Variants in MKKS observed in about 807,000 individuals in gnomAD.
MKKS encodes molecular chaperone MKKS.
A neutral mutation model predicts 33.2 loss-of-function variants in MKKS; 29 were observed. The observed-to-expected ratio is 0.87, with a 90% CI of 0.65 to 1.19. The LOEUF is 1.19. MKKS is among the 50% of genes most tolerant of loss of function. The pLI is 0.00. For missense variants in MKKS, 661 were observed against 662.3 expected (o/e 1.00, Z 0.02); for synonymous variants, 260 against 244.0 (o/e 1.07, Z -0.61).
intron 3 of MKKS, among the ~76,000 whole-genome samples, chr20:10,411,283 C>T (rs572597979): frequency 6.6e-6 from 1 of 151,836 alleles, no homozygotes; most frequent in East Asian, 1.9e-4. Flanking sequence ...ACCGCCCAGC[C>T]CTTTCTGTTT....
intron 4 of MKKS, 64 bp downstream of exon 4, chr20:10,408,564 T>C: frequency 6.5e-7 from 1 of 1,545,122 alleles, no homozygotes; most frequent in Non-Finnish European, 8.9e-7. Context: ...AAAATCATAA[T>C]AACTATTGAG....
chr20:10,413,593 T>C lies in MKKS; in HGVS notation c.-79A>G. 1 of 1,481,764 alleles carries C rather than the reference T, an allele frequency of 6.7e-7. No homozygotes were observed. Among genetic ancestry groups the C allele is most frequent in the Non-Finnish European group, 9.4e-7 (1 of 1,066,382 alleles). 91.8% of individuals were successfully genotyped at this position (1,481,764 alleles called of 1,614,324 possible). ...TTCTATTTATTGCATTATCACGTTT[T>C]AACATTAAAAATTATTCTTTAGGAA... On this transcript the variant is annotated 5_prime_UTR_variant, in exon 3 of 6. Transcript: ENST00000347364.
At chr20:10,430,465 T>A (rs1191857647) in intron 1 of MKKS, among the ~76,000 whole-genome samples, 1 of 152,152 alleles carries the variant, frequency 6.6e-6, no homozygotes, top group Non-Finnish European at 1.5e-5. Flanking sequence ...ATTTTGATTA[T>A]GTCAAAAAGA....
rs182988134 is a variant in MKKS, at chr20:10,417,914, A to G, written c.-418+2614T>C. Among the ~76,000 whole-genome samples, 118 of 152,304 alleles carry G rather than the reference A, an allele frequency of 7.7e-4. 1 individual carries two copies. In the Middle Eastern group the frequency reaches 0.01, roughly 13 times the overall value. On this transcript the variant is annotated intron_variant, in intron 2 of 5. Transcript: ENST00000347364. ...AATCAGCCAAACTGAGAATGTGGGA[A>G]ATTTTTTAAAAGGCAGATTTAGGAG...
chr20:10,415,241 T>C (rs1460917986), intron 2 of MKKS, among the ~76,000 whole-genome samples: 1 of 152,174 alleles, frequency 6.6e-6, no homozygotes, highest in Non-Finnish European at 1.5e-5. Flanking sequence ...TCCAGGAATA[T>C]GCTGAGTATG....
At chr20:10,417,359 C>A (rs981619396) in intron 2 of MKKS, among the ~76,000 whole-genome samples, 1 of 152,182 alleles carries the variant, frequency 6.6e-6, no homozygotes, top group South Asian at 2.1e-4. Flanking sequence ...GCCTGTAATC[C>A]CATCACTTTG....
At chr20:10,415,963 A>T (rs1469496734) in intron 2 of MKKS, among the ~76,000 whole-genome samples, 1 of 152,150 alleles carries the variant, frequency 6.6e-6, no homozygotes, top group African/African-American at 2.4e-5. Context: ...CCTGAACAAA[A>T]GAAGGTACAA....
intron 1 of MKKS, among the ~76,000 whole-genome samples, chr20:10,432,523 T>G (rs1312326182): frequency 1.3e-5 from 2 of 152,190 alleles, no homozygotes; most frequent in Admixed American, 1.3e-4. Context: ...CCAGACGCCG[T>G]GGGTCATGCC....
At chr20:10,405,748 AAAAT>A (rs2064839252) in intron 5 of MKKS, 61 bp from the exon 6 acceptor site, 2 of 1,378,346 alleles carry the variant, frequency 1.5e-6, no homozygotes, top group Admixed American at 3.6e-5. Context: ...ATGTTTCAGA[AAAAT>A]AAGATACTGA....
chr20:10,402,476 T>A lies in MKKS; in HGVS notation c.*2771A>T, dbSNP rs2064815801. The A allele has an allele frequency of 1.3e-5, 2 of 152,210 alleles. No individual in the cohort carries two copies. Among genetic ancestry groups the A allele is most frequent in the South Asian group, 4.1e-4 (2 of 4,836 alleles). 9.4% of individuals were successfully genotyped at this position (152,210 alleles called of 1,614,324 possible). A position where few individuals can be genotyped will look rare whatever the true frequency, so the allele number is the denominator to read the frequency against. ...TATAACTTTAGGAAACATAGAGGTA[T>A]TTGTAAATATATTTTAACGAATTTG... On this transcript the variant is annotated 3_prime_UTR_variant, in exon 6 of 6. Transcript: ENST00000347364.
rs2064907825 is a variant in MKKS, at chr20:10,413,199, C to T, written c.316G>A (p.Val106Ile). 5 of 1,614,192 alleles carry T rather than the reference C, an allele frequency of 3.1e-6. No individual in the cohort carries two copies. Among genetic ancestry groups the T allele is most frequent in the Non-Finnish European group, 4.2e-6 (5 of 1,180,028 alleles). The change falls in exon 3 of 6, where the codon GTT becomes ATT. Residue 106 changes from valine to isoleucine, a missense_variant. Val to Ile is a conservative substitution (Grantham distance 29). Coordinates refer to ENST00000347364, the MANE Select transcript of MKKS (RefSeq NM_170784.3). ...GTGGGTGTCAAGCCTAATCTCTGAA[C>T]ATTTTCAATCAGGTTGCAGCAAAGA... Reference protein sequence around the residue: ...AILCCNLIENVQRLGLTPTTV... With the variant: ...AILCCNLIENIQRLGLTPTTV...
intron 1 of MKKS, among the ~76,000 whole-genome samples, chr20:10,423,882 T>C (rs1057265335): frequency 2.0e-5 from 3 of 152,208 alleles, no homozygotes; most frequent in African/African-American, 7.2e-5. Context: ...TCCTGGTTAG[T>C]AAATGATGTA....
intron 3 of MKKS, among the ~76,000 whole-genome samples, chr20:10,410,994 GT>G (rs371592102): frequency 1.9e-4 from 28 of 144,260 alleles, no homozygotes; most frequent in Admixed American, 2.1e-4. Flanking sequence ...AAAATGTTTG[GT>G]TTTTTTTTTT....
At chr20:10,405,809 G>A in intron 5 of MKKS, 122 bp from the exon 6 acceptor site, 2 of 1,034,562 alleles carry the variant, frequency 1.9e-6, no homozygotes, top group South Asian at 2.9e-5. Context: ...CATTTAATTT[G>A]GGGTCTGGCA....
At chr20:10,431,569 A>G (rs1420229569) in intron 1 of MKKS, 2 of 151,506 alleles carry the variant, frequency 1.3e-5, no homozygotes, top group African/African-American at 4.9e-5. Context: ...AACCAAACCA[A>G]ACCCGCACAA....
Position 10,404,736 on chromosome 20 carries a change from T to C in MKKS, c.*511A>G, listed in dbSNP as rs962316036. ...ACTCAATTACCTAACCACTGAAGAA[T>C]ATAGCTTGAGATAAAGGGCATGGAG... On this transcript the variant is annotated 3_prime_UTR_variant, in exon 6 of 6. Transcript: ENST00000347364. The C allele has an allele frequency of 3.9e-5, 6 of 152,430 alleles. No homozygotes were observed. Among genetic ancestry groups the C allele is most frequent in the African/African-American group, 1.2e-4 (5 of 41,436 alleles). 9.4% of individuals were successfully genotyped at this position (152,430 alleles called of 1,614,324 possible). A position where few individuals can be genotyped will look rare whatever the true frequency, so the allele number is the denominator to read the frequency against.
chr20:10,411,319 C>T (rs904498754), intron 3 of MKKS, among the ~76,000 whole-genome samples: 1 of 151,892 alleles, frequency 6.6e-6, no homozygotes, highest in Non-Finnish European at 1.5e-5. Flanking sequence ...TGCTTTGTTG[C>T]CCAGGCTGGA....
chr20:10,401,428 T>C lies in MKKS; in HGVS notation c.*3819A>G, dbSNP rs1455873562. 1.3e-5 allele frequency: 2 copies of C among 152,178 alleles called. No homozygotes were observed. The highest frequency in any genetic ancestry group is 3.8e-4 in the East Asian group (2 of 5,202). 9.4% of individuals were successfully genotyped at this position (152,178 alleles called of 1,614,324 possible). ...GATATCAGATATTCAAAATTGACTTTTCCTTCAGATTAAGAGATAGCTTTA... is the reference window on the plus strand; with the variant it reads ...GATATCAGATATTCAAAATTGACTTCTCCTTCAGATTAAGAGATAGCTTTA... On this transcript the variant is annotated 3_prime_UTR_variant, in exon 6 of 6. Transcript: ENST00000347364.
At chr20:10,425,152 A>G (rs1480831589) in intron 1 of MKKS, among the ~76,000 whole-genome samples, 1 of 152,188 alleles carries the variant, frequency 6.6e-6, no homozygotes, top group African/African-American at 2.4e-5. Context: ...AAATATAGAA[A>G]CAAGGAAAAG....
Sources: allele counts gnomAD v4.1 joint callset (sites outside exome capture counted in the v4.1 genomes callset), GRCh38; gene constraint gnomAD v4.1.1; transcripts MANE v1.5; gene names NCBI Gene and HGNC (gene_info 2026-07-23, HGNC 2026-07-21).